The following ARL6IP6 variants were observed in gnomAD, a reference collection of about 807,000 sequenced individuals.
The protein encoded by ARL6IP6 is ARF like GTPase 6 interacting protein 6.
ARL6IP6 carries 22 observed loss-of-function variants against 21.5 expected under a neutral mutation model. The observed-to-expected ratio is 1.02, with a 90% CI of 0.73 to 1.46. The LOEUF is 1.46. ARL6IP6 is among the 40% of genes most tolerant of loss of function. The pLI, the probability that ARL6IP6 is intolerant of heterozygous loss-of-function variation, is 0.00. For synonymous variants in ARL6IP6, 164 were observed against 125.3 expected, an observed-to-expected ratio of 1.31 and a Z score of -2.06; for missense variants, 388 against 299.8, an observed-to-expected ratio of 1.29 and a Z score of -2.17.
chr2:152,738,644 C>T (rs759881482), intron 3 of ARL6IP6, among the ~76,000 whole-genome samples: 8 of 152,310 alleles, frequency 5.3e-5, no homozygotes, highest in African/African-American at 1.2e-4. Context: ...CTTTTAGCCA[C>T]GCCTGGGACA....
At chr2:152,741,686 CG>C (rs2105148889) in intron 3 of ARL6IP6, among the ~76,000 whole-genome samples, 1 of 152,068 alleles carries the variant, frequency 6.6e-6, no homozygotes, top group Non-Finnish European at 1.5e-5. Flanking sequence ...TTCACTTTTA[CG>C]TAAGCACAAG....
chr2:152,729,994 C>T (rs563230139), intron 2 of ARL6IP6, among the ~76,000 whole-genome samples: 6 of 152,244 alleles, frequency 3.9e-5, no homozygotes, highest in Admixed American at 3.3e-4. Context: ...TTTTCTGTGG[C>T]TTTTCTGCTT....
chr2:152,737,876 C>A (rs900017255), intron 3 of ARL6IP6, among the ~76,000 whole-genome samples: 15 of 152,158 alleles, frequency 9.9e-5, no homozygotes, highest in African/African-American at 3.4e-4. Context: ...CCTCACCTTT[C>A]AAAACCAATC....
At chr2:152,721,349 GC>G (rs1699781159) in intron 2 of ARL6IP6, among the ~76,000 whole-genome samples, 1 of 147,178 alleles carries the variant, frequency 6.8e-6, no homozygotes. Context: ...TTTATGTGCA[GC>G]TTTTTTTTTT....
intron 2 of ARL6IP6, among the ~76,000 whole-genome samples, chr2:152,729,703 GAT>G (rs1700211759): frequency 6.6e-6 from 1 of 152,070 alleles, no homozygotes; most frequent in African/African-American, 2.4e-5. Flanking sequence ...AAGCTGAGAA[GAT>G]ATATATACGT....
intron 3 of ARL6IP6, among the ~76,000 whole-genome samples, chr2:152,741,720 A>T (rs1451261874): frequency 6.6e-6 from 1 of 152,336 alleles, no homozygotes; most frequent in East Asian, 1.9e-4. Context: ...TACAAGATAG[A>T]GAACTTTGCA....
Position 152,761,556 on chromosome 2 carries a change from A to G in ARL6IP6, c.*1716A>G, listed in dbSNP as rs965285009. On this transcript the variant is annotated 3_prime_UTR_variant, in exon 4 of 4. Coordinates refer to ENST00000326446, the MANE Select transcript of ARL6IP6 (RefSeq NM_152522.7). ...CCCTAGATAGAGATATGTACACCCT[A>G]GACAGTCATGTGCCATATAACAACG... 1.3e-5 allele frequency among the ~76,000 whole-genome samples: 2 copies of G among 152,232 alleles called. No individual in the cohort carries two copies. The highest frequency in any genetic ancestry group is 6.5e-5 in the Admixed American group (1 of 15,286).
chr2:152,752,782 C>A, intron 3 of ARL6IP6, among the ~76,000 whole-genome samples: 1 of 152,190 alleles, frequency 6.6e-6, no homozygotes, highest in Admixed American at 6.5e-5. Context: ...GAATAATAGT[C>A]TTTGATCCTT....
chr2:152,735,127 G>A lies in ARL6IP6; in HGVS notation c.587+1G>A. On this transcript the variant is annotated splice_donor_variant, in intron 3 of 3. Transcript: ENST00000326446. LOFTEE classifies it high-confidence loss of function. ...CTCCTCTTTCACCTGCCAGGTTCAAGTAAGTATTCCTGTTTCCTGTTTCTT... is the reference window on the plus strand; with the variant it reads ...CTCCTCTTTCACCTGCCAGGTTCAAATAAGTATTCCTGTTTCCTGTTTCTT... 1 of 1,613,460 alleles carries A rather than the reference G, an allele frequency of 6.2e-7. No individual in the cohort carries two copies. The highest frequency in any genetic ancestry group is 8.5e-7 in the Non-Finnish European group (1 of 1,179,610).
At chr2:152,721,618 A>G (rs773839146) in intron 2 of ARL6IP6, among the ~76,000 whole-genome samples, 5 of 152,226 alleles carry the variant, frequency 3.3e-5, no homozygotes, top group Non-Finnish European at 5.9e-5. Context: ...GAATCAAGTC[A>G]TTTGATGTGA....
At chr2:152,728,765 T>C (rs1270045023) in intron 2 of ARL6IP6, among the ~76,000 whole-genome samples, 3 of 152,160 alleles carry the variant, frequency 2.0e-5, no homozygotes, top group Admixed American at 6.5e-5. Flanking sequence ...AAGATTAGTA[T>C]ACATCATTTC....
intron 2 of ARL6IP6, among the ~76,000 whole-genome samples, chr2:152,727,578 G>T (rs759320526): frequency 2.8e-4 from 42 of 152,244 alleles, no homozygotes; most frequent in Middle Eastern, 3.4e-3. Context: ...TCCATTCATT[G>T]TAAGTACCCT....
chr2:152,751,301 T>G (rs1268473883), intron 3 of ARL6IP6, among the ~76,000 whole-genome samples: 1 of 152,234 alleles, frequency 6.6e-6, no homozygotes, highest in Non-Finnish European at 1.5e-5. Context: ...ATCAGGCTAA[T>G]TAGCATATCC....
chr2:152,738,764 A>G (rs912944644), intron 3 of ARL6IP6, among the ~76,000 whole-genome samples: 1 of 152,130 alleles, frequency 6.6e-6, no homozygotes, highest in East Asian at 1.9e-4. Context: ...GACCTCTGAC[A>G]TGCCCTGGAG....
chr2:152,733,639 A>G (rs1179183300), intron 2 of ARL6IP6, among the ~76,000 whole-genome samples: 2 of 152,174 alleles, frequency 1.3e-5, no homozygotes, highest in Non-Finnish European at 2.9e-5. Context: ...TGGTTGGACT[A>G]GTCTCTATTT....
intron 2 of ARL6IP6, among the ~76,000 whole-genome samples, chr2:152,723,509 G>C (rs1177896695): frequency 1.3e-5 from 2 of 152,048 alleles, no homozygotes; most frequent in Non-Finnish European, 2.9e-5. Context: ...CTCATTCTTT[G>C]TTTGAAAGTA....
At chr2:152,740,742 T>G (rs1476174280) in intron 3 of ARL6IP6, among the ~76,000 whole-genome samples, 1 of 152,024 alleles carries the variant, frequency 6.6e-6, no homozygotes, top group Non-Finnish European at 1.5e-5. Context: ...TTATACAAAA[T>G]AATGTGTATA....
In ARL6IP6 at chr2:152,761,940, G is replaced by C. The variant is rs1456362280; in HGVS notation, c.*2100G>C. On this transcript the variant is annotated 3_prime_UTR_variant, in exon 4 of 4. Transcript: ENST00000326446. ...ATATATTAATATAGATAAATATAGA[G>C]AGAGATGTATCCGTAAGATATTTTT... Among the ~76,000 whole-genome samples the C allele has an allele frequency of 6.6e-6, 1 of 152,066 alleles. No homozygotes were observed. Among genetic ancestry groups the C allele is most frequent in the Non-Finnish European group, 1.5e-5 (1 of 68,010 alleles).
chr2:152,732,014 CT>C (rs1317473960), intron 2 of ARL6IP6, among the ~76,000 whole-genome samples: 3 of 151,950 alleles, frequency 2.0e-5, no homozygotes, highest in Admixed American at 1.3e-4. Context: ...TATGGATGTA[CT>C]TAATTAACCA....
Sources: allele counts gnomAD v4.1 joint callset (sites outside exome capture counted in the v4.1 genomes callset), GRCh38; gene constraint gnomAD v4.1.1; transcripts MANE v1.5; gene names NCBI Gene and HGNC (gene_info 2026-07-23, HGNC 2026-07-21).